ANKIB1: variants seen among roughly 807,000 people sequenced by gnomAD.
The protein encoded by ANKIB1 is ankyrin repeat and IBR domain-containing protein 1.
In ANKIB1, 43 loss-of-function variants were observed where a neutral mutation model predicts 122.1. That is an observed-to-expected ratio of 0.35 (90% confidence interval 0.28 to 0.45). ANKIB1 has a LOEUF of 0.45. Among genes scored for constraint, ANKIB1 ranks in the 20% least tolerant of loss-of-function variants. The pLI is 1.00. For missense variants in ANKIB1, 992 were observed against 1,329.5 expected (o/e 0.75, Z 3.95); for synonymous variants, 390 against 442.0 (o/e 0.88, Z 1.48).
chr7:92,367,500 G>A (rs543207463), intron 10 of ANKIB1, among the ~76,000 whole-genome samples: 162 of 152,044 alleles, frequency 1.1e-3, no homozygotes, highest in African/African-American at 3.7e-3. Flanking sequence ...TTTTTACTTT[G>A]CATTTTATGC....
At chr7:92,254,796 T>C (rs1262249692) in intron 1 of ANKIB1, among the ~76,000 whole-genome samples, 3 of 152,360 alleles carry the variant, frequency 2.0e-5, no homozygotes, top group African/African-American at 7.2e-5. Context: ...TGGTATCACT[T>C]ATTATAAATT....
intron 8 of ANKIB1, among the ~76,000 whole-genome samples, chr7:92,351,720 G>GTTTTTTTTTTTTTTTTTT (rs1018424517): frequency 8.6e-6 from 1 of 116,642 alleles, no homozygotes; most frequent in African/African-American, 3.2e-5. Flanking sequence ...TTTTTTTTTT[G>GTTTTTTTTTTTTTTTTTT]TTTTTTTTTT....
At chr7:92,287,036 G>A (rs1322979309) in intron 1 of ANKIB1, among the ~76,000 whole-genome samples, 2 of 152,108 alleles carry the variant, frequency 1.3e-5, no homozygotes, top group African/African-American at 4.8e-5. Flanking sequence ...CCAAACACAG[G>A]AGCTAGAATT....
rs763651024 is a variant in ANKIB1, at chr7:92,330,562, GC to G, written c.787+2664del. The stretch of plus-strand genomic sequence containing the variant: ...AGTTTTTAAAAACAAAATATTTTTG[GC>G]CGGGCGCAGTGGCTCATGCCTGTAA... On this transcript the variant is annotated intron_variant, in intron 5 of 19. Transcript: ENST00000265742. Among the ~76,000 whole-genome samples, 18 of 152,040 alleles carry G rather than the reference GC, an allele frequency of 1.2e-4. No homozygotes were observed. In the East Asian group the frequency reaches 3.1e-3, roughly 26 times the overall value.
At chr7:92,369,738 T>G (rs1804190505) in intron 10 of ANKIB1, among the ~76,000 whole-genome samples, 1 of 152,188 alleles carries the variant, frequency 6.6e-6, no homozygotes, top group South Asian at 2.1e-4. Context: ...TCTAAAATGA[T>G]TTTCTGGCAT....
At chr7:92,338,392 C>T (rs2131969386) in intron 5 of ANKIB1, among the ~76,000 whole-genome samples, 1 of 151,154 alleles carries the variant, frequency 6.6e-6, no homozygotes, top group African/African-American at 2.4e-5. Context: ...GCACTCTAGG[C>T]TGGGTGACAG....
chr7:92,314,074 C>T (rs1362457531), intron 3 of ANKIB1, among the ~76,000 whole-genome samples: 1 of 152,064 alleles, frequency 6.6e-6, no homozygotes, highest in Non-Finnish European at 1.5e-5. Context: ...GAGGCGGGAG[C>T]GTATCTTGAG....
chr7:92,360,113 CA>C (rs980445906), intron 9 of ANKIB1, among the ~76,000 whole-genome samples: 1 of 152,076 alleles, frequency 6.6e-6, no homozygotes, highest in Admixed American at 6.6e-5. Context: ...GTATGCAATT[CA>C]GTGACATTAA....
chr7:92,388,485 AATC>A (rs1252798784), intron 14 of ANKIB1, among the ~76,000 whole-genome samples: 1 of 152,218 alleles, frequency 6.6e-6, no homozygotes, highest in Admixed American at 6.5e-5. Flanking sequence ...TTTGGGAAGA[AATC>A]ATTTCACTGG....
chr7:92,294,306 C>G (rs565679495), intron 1 of ANKIB1, among the ~76,000 whole-genome samples: 1 of 152,152 alleles, frequency 6.6e-6, no homozygotes, highest in African/African-American at 2.4e-5. Context: ...CTGTATTGTT[C>G]TGTGTATTAT....
chr7:92,378,979 T>C (rs573727608), intron 11 of ANKIB1, among the ~76,000 whole-genome samples: 1 of 152,320 alleles, frequency 6.6e-6, no homozygotes, highest in African/African-American at 2.4e-5. Context: ...GCAAGACTTA[T>C]GGGGAAAAAA....
chr7:92,257,298 G>A (rs1442297843), intron 1 of ANKIB1, among the ~76,000 whole-genome samples: 1 of 152,122 alleles, frequency 6.6e-6, no homozygotes, highest in African/African-American at 2.4e-5. Flanking sequence ...ACTTAGTATT[G>A]CACTGATAGG....
At chr7:92,324,486 G>A (rs889791584) in intron 4 of ANKIB1, among the ~76,000 whole-genome samples, 6 of 152,130 alleles carry the variant, frequency 3.9e-5, no homozygotes, top group East Asian at 3.9e-4. Flanking sequence ...CACCCACCTC[G>A]GCCTCCCAAA....
In ANKIB1 at chr7:92,352,567, C is replaced by G. The variant is rs1184239361; in HGVS notation, c.1322C>G (p.Ser441Cys). Residue 441 changes from serine to cysteine, a missense_variant, in exon 9 of 20, where the codon TCT (serine) becomes TGT (cysteine). Physicochemically the swap from Ser to Cys is moderately radical, Grantham distance 112. This residue lies in a region of ANKIB1 where 521 missense variants were observed against 777.7 expected (regional missense o/e 0.67). Coordinates refer to ENST00000265742, the MANE Select transcript of ANKIB1 (RefSeq NM_019004.2). ...CTAACGAAACAAGGGTCAAATACAT[C>G]TGGATCTGATACACTCAGCTTCCCA... is the stretch of plus-strand genomic sequence containing the variant. ...VRLTKQGSNTSGSDTLSFPLL... is the reference protein window; with the variant it reads ...VRLTKQGSNTCGSDTLSFPLL... 6.2e-7 allele frequency: 1 copy of G among 1,613,592 alleles called. No homozygotes were observed. The highest frequency in any genetic ancestry group is 2.2e-5 in the East Asian group (1 of 44,858).
Position 92,398,463 on chromosome 7 carries a change from G to C in ANKIB1, c.2784G>C (p.Glu928Asp), listed in dbSNP as rs1212506159. Reference sequence around the variant, plus strand: ...ACAGCCTCATGAGACTAGGAGCAGAGAATGACCCATTTTCAACTGACACCC... The same window carrying C: ...ACAGCCTCATGAGACTAGGAGCAGACAATGACCCATTTTCAACTGACACCC... ...LGDSLMRLGA[E>D]NDPFSTDTLS... Residue 928 changes from glutamate to aspartate, a missense_variant, in exon 20 of 20, where the codon GAG becomes GAC. Glu to Asp is a conservative substitution (Grantham distance 45, BLOSUM62 2). This residue lies in a region of ANKIB1 where 384 missense variants were observed against 412.0 expected (regional missense o/e 0.93). Coordinates refer to ENST00000265742, the MANE Select transcript of ANKIB1 (RefSeq NM_019004.2). 1 of 1,613,900 alleles carries C rather than the reference G, an allele frequency of 6.2e-7. No individual in the cohort carries two copies. The highest frequency in any genetic ancestry group is 8.5e-7 in the Non-Finnish European group (1 of 1,179,838).
At chr7:92,307,274 C>T (rs1014339192) in intron 2 of ANKIB1, 85 bp from the exon 3 acceptor site, 1 of 1,339,810 alleles carries the variant, frequency 7.5e-7, no homozygotes, top group African/African-American at 1.5e-5. Flanking sequence ...TAGAGTTTAT[C>T]TTTTAAAAGT....
intron 9 of ANKIB1, among the ~76,000 whole-genome samples, chr7:92,358,855 G>A (rs1489909755): frequency 6.6e-6 from 1 of 151,958 alleles, no homozygotes; most frequent in Non-Finnish European, 1.5e-5. Context: ...TGACAAACAA[G>A]CTTTTTTAAA....
At chr7:92,334,454 C>CA (rs1803243563) in intron 5 of ANKIB1, among the ~76,000 whole-genome samples, 3 of 151,942 alleles carry the variant, frequency 2.0e-5, no homozygotes, top group Admixed American at 2.0e-4. Context: ...AGTATACTAT[C>CA]AGACAGATTC....
At chr7:92,388,097 C>A in intron 14 of ANKIB1, 56 bp downstream of exon 14, 1 of 1,443,196 alleles carries the variant, frequency 6.9e-7, no homozygotes, top group Non-Finnish European at 9.5e-7. Context: ...CCATGCTTGT[C>A]ATTTCACTAG....
Sources: gnomAD v4.1 joint callset for allele counts (sites outside exome capture counted in the v4.1 genomes callset) on GRCh38, gnomAD v4.1.1 for gene constraint, gnomAD v4.1.1 regional missense constraint, MANE v1.5 for transcripts, NCBI Gene and HGNC (gene_info 2026-07-23, HGNC 2026-07-21) for gene names.